The following GTF2B variants were observed in gnomAD, a reference collection of about 807,000 sequenced individuals.
GTF2B encodes the protein general transcription factor IIB.
In GTF2B, 20 loss-of-function variants were observed where a neutral mutation model predicts 34.6. The observed-to-expected ratio is 0.58, with a 90% CI of 0.41 to 0.84. The LOEUF (loss-of-function observed/expected upper bound fraction) is 0.84, where lower values mean the gene tolerates loss of function less well. Among genes scored for constraint, GTF2B ranks in the 40% least tolerant of loss-of-function variants. GTF2B has a pLI of 0.00. For missense variants in GTF2B, 237 were observed against 393.3 expected, an observed-to-expected ratio of 0.60 and a Z score of 3.36; for synonymous variants, 142 against 132.4, an observed-to-expected ratio of 1.07 and a Z score of -0.50.
chr1:88,870,165 A>T (rs1673657050), intron 2 of GTF2B, among the ~76,000 whole-genome samples: 1 of 151,920 alleles, frequency 6.6e-6, no homozygotes. Context: ...TGACCTTGTG[A>T]TCCACCCGCC....
At chr1:88,879,355 G>A (rs1178382957) in intron 2 of GTF2B, among the ~76,000 whole-genome samples, 4 of 152,058 alleles carry the variant, frequency 2.6e-5, no homozygotes. Context: ...GAGGTGGGCA[G>A]ACCACCTGAG....
intron 6 of GTF2B, 87 bp downstream of exon 6, chr1:88,857,119 A>T: frequency 1.6e-5 from 20 of 1,263,030 alleles, no homozygotes; most frequent in Non-Finnish European, 2.2e-5. Context: ...GTTTCTTGCT[A>T]TTTACCCGGT....
intron 5 of GTF2B, 54 bp downstream of exon 5, chr1:88,859,828 C>A: frequency 6.5e-7 from 1 of 1,527,304 alleles, no homozygotes; most frequent in Non-Finnish European, 9.0e-7. Context: ...AAAGTGAGAC[C>A]CTATCTCAAA....
intron 2 of GTF2B, among the ~76,000 whole-genome samples, chr1:88,883,998 GTTC>G (rs1674003219): frequency 1.4e-5 from 2 of 147,094 alleles, no homozygotes. Flanking sequence ...ACTGGAGCTA[GTTC>G]TTCTGTCAAG....
intron 5 of GTF2B, 90 bp downstream of exon 5, chr1:88,859,792 C>T (rs1037635635): frequency 3.6e-6 from 4 of 1,123,976 alleles, no homozygotes; most frequent in Non-Finnish European, 5.2e-6. Context: ...GTCAAGATTG[C>T]GCCACTGCAC....
intron 2 of GTF2B, among the ~76,000 whole-genome samples, chr1:88,882,331 A>AAAAAAAC (rs1557661016): frequency 8.7e-5 from 13 of 149,544 alleles, no homozygotes; most frequent in African/African-American, 3.0e-4. Flanking sequence ...AAAAAAAAAA[A>AAAAAAAC]AAAAAACGCT....
intron 1 of GTF2B, among the ~76,000 whole-genome samples, chr1:88,891,140 A>T (rs922243016): frequency 3.9e-4 from 2 of 5,114 alleles, no homozygotes; most frequent in African/African-American, 1.7e-3. Context: ...GGCGCGGGGG[A>T]GGAGAGGAGG....
chr1:88,870,127 T>C (rs1310959923), intron 2 of GTF2B, among the ~76,000 whole-genome samples: 2 of 151,184 alleles, frequency 1.3e-5, no homozygotes, highest in East Asian at 2.0e-4. Context: ...AGGGTTTCAC[T>C]GTGTTAACCA....
intron 6 of GTF2B, among the ~76,000 whole-genome samples, chr1:88,855,644 C>T (rs370989145): frequency 2.1e-4 from 32 of 151,738 alleles, no homozygotes; most frequent in African/African-American, 6.5e-4. Context: ...TGAGCCACCG[C>T]GACCTGCCAC....
At chr1:88,886,278 T>G (rs1335926410) in intron 2 of GTF2B, among the ~76,000 whole-genome samples, 1 of 152,228 alleles carries the variant, frequency 6.6e-6, no homozygotes, top group Non-Finnish European at 1.5e-5. Context: ...TCTGTTATAC[T>G]GCCCACAATC....
chr1:88,886,416 T>C (rs956913155), intron 2 of GTF2B, among the ~76,000 whole-genome samples: 1 of 152,228 alleles, frequency 6.6e-6, no homozygotes, highest in African/African-American at 2.4e-5. Flanking sequence ...GCTGCATATC[T>C]AGATTAGTGT....
chr1:88,872,609 T>C (rs1048594957), intron 2 of GTF2B, among the ~76,000 whole-genome samples: 1 of 152,140 alleles, frequency 6.6e-6, no homozygotes, highest in Non-Finnish European at 1.5e-5. Context: ...CTGCTAGGAA[T>C]GTAAAGTTTT....
chr1:88,878,328 G>C (rs1673858015), intron 2 of GTF2B, among the ~76,000 whole-genome samples: 1 of 152,108 alleles, frequency 6.6e-6, no homozygotes, highest in African/African-American at 2.4e-5. Flanking sequence ...GTATCTCAAG[G>C]ATCACTGATG....
chr1:88,857,714 A>AC (rs1258561702), intron 5 of GTF2B, among the ~76,000 whole-genome samples: 6 of 6,704 alleles, frequency 8.9e-4, no homozygotes, highest in African/African-American at 2.8e-3. Context: ...ATGAAGTCTC[A>AC]CTCTGTCGCC....
chr1:88,887,493 T>C (rs1461711969), intron 1 of GTF2B, 126 bp from the exon 2 acceptor site: 6 of 644,924 alleles, frequency 9.3e-6, no homozygotes, highest in African/African-American at 5.6e-5. Flanking sequence ...GTAACACATA[T>C]AAGCTAGATT....
intron 2 of GTF2B, among the ~76,000 whole-genome samples, chr1:88,880,442 A>T (rs1673910269): frequency 6.6e-6 from 1 of 152,232 alleles, no homozygotes; most frequent in South Asian, 2.1e-4. Context: ...TTACATATAC[A>T]GTCACATGTT....
intron 2 of GTF2B, among the ~76,000 whole-genome samples, chr1:88,875,128 T>C (rs1181668972): frequency 1.3e-5 from 2 of 152,204 alleles, no homozygotes; most frequent in African/African-American, 4.8e-5. Context: ...ACTGAAATTT[T>C]GCATTAGACA....
chr1:88,870,432 C>T (rs1447331118), intron 2 of GTF2B, among the ~76,000 whole-genome samples: 1 of 152,200 alleles, frequency 6.6e-6, no homozygotes, highest in Non-Finnish European at 1.5e-5. Context: ...TTTTGGGAAT[C>T]ACAGGACAAT....
At chr1:88,859,834 TCAAACAAA>T (rs376654402) in intron 5 of GTF2B, 40 bp downstream of exon 5, 15 of 1,571,234 alleles carry the variant, frequency 9.5e-6, no homozygotes, top group Middle Eastern at 1.7e-4. Flanking sequence ...AGACCCTATC[TCAAACAAA>T]CAAACAAACA....
Sources: gnomAD v4.1 joint callset for allele counts (sites outside exome capture counted in the v4.1 genomes callset) on GRCh38, gnomAD v4.1.1 for gene constraint, MANE v1.5 for transcripts, NCBI Gene and HGNC (gene_info 2026-07-23, HGNC 2026-07-21) for gene names.